The following ATG10 variants were observed in gnomAD, a reference collection of about 807,000 sequenced individuals.
ATG10 encodes the protein autophagy related 10.
ATG10 carries 30 observed loss-of-function variants against 32.1 expected under a neutral mutation model. The ratio of observed to expected loss-of-function variants is 0.94; its 90% CI spans 0.70 to 1.27. The LOEUF is 1.27. Ranked by LOEUF, ATG10 falls within the 50% of genes most tolerant of loss-of-function variation. The pLI, the probability that ATG10 is intolerant of heterozygous loss-of-function variation, is 0.00. For missense variants in ATG10, 233 were observed against 262.3 expected, an observed-to-expected ratio of 0.89 and a Z score of 0.77; for synonymous variants, 87 against 91.5, an observed-to-expected ratio of 0.95 and a Z score of 0.28.
At chr5:82,119,230 T>G (rs981716006) in intron 3 of ATG10, among the ~76,000 whole-genome samples, 5 of 152,184 alleles carry the variant, frequency 3.3e-5, no homozygotes, top group Non-Finnish European at 4.4e-5. Context: ...TTAAATGCAG[T>G]GTATAATCTG....
Position 82,181,539 on chromosome 5 carries a change from T to C in ATG10, c.453+2952T>C, listed in dbSNP as rs565025037. Among the ~76,000 whole-genome samples the C allele has an allele frequency of 6.6e-5, 10 of 152,088 alleles. 1 individual carries two copies. The South Asian group carries it at 2.1e-3, about 32-fold the overall frequency. ...ACAAAAGAAAACAAGGTGTCCTCAG[T>C]GAGATGGAGGGGGAGAAGATGATAC... On this transcript the variant is annotated intron_variant, in intron 5 of 7. Transcript: ENST00000282185.
At chr5:82,104,583 C>A (rs1765386908) in intron 3 of ATG10, among the ~76,000 whole-genome samples, 1 of 151,988 alleles carries the variant, frequency 6.6e-6, no homozygotes, top group African/African-American at 2.4e-5. Flanking sequence ...TGTTAACTGA[C>A]CAGATTCTGT....
intron 2 of ATG10, among the ~76,000 whole-genome samples, chr5:82,049,748 G>A (rs1235550027): frequency 6.6e-6 from 1 of 152,054 alleles, no homozygotes; most frequent in Non-Finnish European, 1.5e-5. Context: ...AGTAACTAGA[G>A]AGTGAGTTCA....
intron 5 of ATG10, among the ~76,000 whole-genome samples, chr5:82,212,900 A>C (rs1017841584): frequency 2.0e-5 from 3 of 152,140 alleles, no homozygotes; most frequent in African/African-American, 7.2e-5. Flanking sequence ...AATATCTTTA[A>C]TATACCAGTG....
chr5:82,203,182 C>T (rs1468198094), intron 5 of ATG10, among the ~76,000 whole-genome samples: 6 of 151,324 alleles, frequency 4.0e-5, no homozygotes, highest in Non-Finnish European at 8.8e-5. Flanking sequence ...GAGCCGAGAT[C>T]GCACCACTGC....
chr5:82,192,556 G>A (rs575661781), intron 5 of ATG10, among the ~76,000 whole-genome samples: 17 of 152,178 alleles, frequency 1.1e-4, no homozygotes, highest in Admixed American at 2.6e-4. Context: ...GTTATTAGGC[G>A]TTTCACCTTC....
intron 3 of ATG10, 73 bp from the exon 4 acceptor site, chr5:82,164,323 TCTC>T (rs903310596): frequency 9.7e-6 from 13 of 1,338,836 alleles, no homozygotes; most frequent in African/African-American, 3.0e-5. Flanking sequence ...GAGAAGAAAA[TCTC>T]CTCTTTTCCT....
chr5:82,089,002 G>A (rs539864926), intron 3 of ATG10, among the ~76,000 whole-genome samples: 27 of 152,258 alleles, frequency 1.8e-4, no homozygotes, highest in African/African-American at 6.0e-4. Context: ...AGAATAAAAT[G>A]GGAGGAATTA....
chr5:82,154,250 G>A (rs2149885429), intron 3 of ATG10, among the ~76,000 whole-genome samples: 1 of 152,308 alleles, frequency 6.6e-6, no homozygotes, highest in African/African-American at 2.4e-5. Flanking sequence ...TATCTAGGCT[G>A]TTTTCATGCT....
chr5:82,133,354 G>T (rs1440255183), intron 3 of ATG10, among the ~76,000 whole-genome samples: 1 of 152,024 alleles, frequency 6.6e-6, no homozygotes, highest in Non-Finnish European at 1.5e-5. Context: ...TTCTTCTAGG[G>T]TATTTATGGT....
chr5:81,991,417 TGTGAACCTTTACTAAAATCAAGA>T (rs1306265840), intron 2 of ATG10, among the ~76,000 whole-genome samples: 1 of 152,226 alleles, frequency 6.6e-6, no homozygotes. Flanking sequence ...TCTATAGACC[TGTGAACCTTTACTAAAATCAAGA>T]GTGAACATAT....
Position 82,022,272 on chromosome 5 carries a change from T to A in ATG10, c.108+34594T>A, listed in dbSNP as rs562834585. 1.2e-4 allele frequency among the ~76,000 whole-genome samples: 19 copies of A among 152,258 alleles called. No individual in the cohort carries two copies. In the South Asian group the frequency reaches 3.9e-3, roughly 32 times the overall value. On this transcript the variant is annotated intron_variant, in intron 2 of 7. Transcript: ENST00000282185. ...ACAGAAGACTGGATGTATATACGTA[T>A]TTTAATGCATGTTTAGTTTTTAAAA...
chr5:82,134,167 CAG>C (rs1302360375), intron 3 of ATG10, among the ~76,000 whole-genome samples: 1 of 57,794 alleles, frequency 1.7e-5, no homozygotes, highest in African/African-American at 7.1e-5. Context: ...CATCTGCAAA[CAG>C]AGACAATTTG....
chr5:82,136,825 C>G (rs1007254775), intron 3 of ATG10, among the ~76,000 whole-genome samples: 8 of 152,192 alleles, frequency 5.3e-5, no homozygotes, highest in African/African-American at 1.9e-4. Flanking sequence ...TGGTTCCATT[C>G]TTCCCGTCAG....
At chr5:82,193,403 C>A (rs894137959) in intron 5 of ATG10, among the ~76,000 whole-genome samples, 1 of 152,194 alleles carries the variant, frequency 6.6e-6, no homozygotes, top group Non-Finnish European at 1.5e-5. Flanking sequence ...TTCAAATCAT[C>A]TTTAATAACT....
chr5:81,978,667 G>C (rs897579433), intron 1 of ATG10, among the ~76,000 whole-genome samples: 2 of 148,610 alleles, frequency 1.3e-5, no homozygotes, highest in Admixed American at 6.7e-5. Context: ...TTTTGTTGTT[G>C]TTTGTTTGTT....
At chr5:82,128,164 T>C (rs1486320681) in intron 3 of ATG10, among the ~76,000 whole-genome samples, 1 of 152,130 alleles carries the variant, frequency 6.6e-6, no homozygotes, top group Admixed American at 6.5e-5. Context: ...CATCCCTTTA[T>C]TTTGAGCCTA....
chr5:82,076,530 T>G (rs1764277039), intron 3 of ATG10, among the ~76,000 whole-genome samples: 1 of 152,128 alleles, frequency 6.6e-6, no homozygotes, highest in South Asian at 2.1e-4. Flanking sequence ...TTCATGGCCA[T>G]GTAGTTCTTG....
At chr5:82,067,493 C>G (rs569712809) in intron 3 of ATG10, among the ~76,000 whole-genome samples, 1 of 152,130 alleles carries the variant, frequency 6.6e-6, no homozygotes, top group African/African-American at 2.4e-5. Context: ...GTTTAGTGTT[C>G]TGCTATAAAG....
Sources: gnomAD v4.1 joint callset for allele counts (sites outside exome capture counted in the v4.1 genomes callset) on GRCh38, gnomAD v4.1.1 for gene constraint, MANE v1.5 for transcripts, NCBI Gene and HGNC (gene_info 2026-07-23, HGNC 2026-07-21) for gene names.